PCDHA3: variants seen among roughly 807,000 people sequenced by gnomAD.
PCDHA3 encodes protocadherin alpha-3.
In PCDHA3, 41 loss-of-function variants were observed where a neutral mutation model predicts 62.2. The observed-to-expected ratio is 0.66, with a 90% CI of 0.51 to 0.86. The LOEUF is 0.86. PCDHA3 is among the 40% of genes least tolerant of loss of function. The probability of loss-of-function intolerance (pLI) is 0.00; values close to 1 mark genes in which losing one functional copy is unlikely to be tolerated. For synonymous variants in PCDHA3, 640 were observed against 555.4 expected (o/e 1.15, Z -2.14); for missense variants, 1,304 against 1,241.2 (o/e 1.05, Z -0.76).
At chr5:140,822,270 A>G (rs2150115049) in intron 1 of PCDHA3, 7 of 1,614,138 alleles carry the variant, frequency 4.3e-6, no homozygotes, top group African/African-American at 4.0e-5. Flanking sequence ...GAGCAAATGC[A>G]CAATTGAGAT....
rs781808272 is a variant in PCDHA3, at chr5:140,856,411, A to G, written c.2394+52820A>G. Reference sequence around the variant, plus strand: ...TGCAGGTTTTCCATGTGGACGTGGAAGTGAAGGACATTAACGACAACCCGC... The same window carrying G: ...TGCAGGTTTTCCATGTGGACGTGGAGGTGAAGGACATTAACGACAACCCGC... On this transcript the variant is annotated intron_variant, in intron 1 of 3. Transcript: ENST00000522353. 31 of 1,598,328 alleles carry G rather than the reference A, an allele frequency of 1.9e-5. 3 individuals are homozygous for G. Among genetic ancestry groups the G allele is most frequent in the African/African-American group, 5.4e-5 (4 of 74,256 alleles).
intron 1 of PCDHA3, chr5:140,864,797 G>C (rs868909450): frequency 1.3e-5 from 2 of 152,026 alleles, no homozygotes; most frequent in Non-Finnish European, 2.9e-5. Flanking sequence ...AATATTTTAG[G>C]GTAGGAAAAT....
chr5:140,883,289 C>T, intron 1 of PCDHA3: 2 of 1,614,022 alleles, frequency 1.2e-6, no homozygotes, highest in African/African-American at 1.3e-5. Context: ...GGTGGAAGTA[C>T]TAGATGTAAA....
chr5:140,809,041 G>T, intron 1 of PCDHA3: 2 of 1,613,844 alleles, frequency 1.2e-6, no homozygotes, highest in Non-Finnish European at 1.7e-6. Context: ...CTGGTGGCGC[G>T]CGCATCCCGT....
At chr5:140,826,677 T>TA (rs1447627266) in intron 1 of PCDHA3, among the ~76,000 whole-genome samples, 1 of 152,092 alleles carries the variant, frequency 6.6e-6, no homozygotes, top group Non-Finnish European at 1.5e-5. Context: ...TAGACGTAAT[T>TA]AAAAAAACCC....
At chr5:140,875,465 T>G in intron 1 of PCDHA3, 1 of 1,599,690 alleles carries the variant, frequency 6.3e-7, no homozygotes, top group Non-Finnish European at 8.5e-7. Flanking sequence ...AGGCCCTCAT[T>G]TTCTGCAATG....
chr5:140,961,385 T>G (rs1480607533), intron 1 of PCDHA3, among the ~76,000 whole-genome samples: 3 of 152,204 alleles, frequency 2.0e-5, no homozygotes, highest in Non-Finnish European at 4.4e-5. Flanking sequence ...GTTTGAACTA[T>G]TCCATTAGTA....
Position 140,841,637 on chromosome 5 carries a change from C to G in PCDHA3, c.2394+38046C>G, listed in dbSNP as rs2150319876. The G allele has an allele frequency of 4.3e-6, 7 of 1,614,008 alleles. No individual in the cohort carries two copies. Among genetic ancestry groups the G allele is most frequent in the Admixed American group, 3.3e-5 (2 of 59,990 alleles). ...GCGGAGCGCGGAGTGCAGCATCCAC[C>G]TGGAGGTGATCGTGGACAGGCCGCT... On this transcript the variant is annotated intron_variant, in intron 1 of 3. Coordinates refer to ENST00000522353, the MANE Select transcript of PCDHA3 (RefSeq NM_018906.3).
At chr5:140,836,137 TG>T in intron 1 of PCDHA3, 1 of 1,613,712 alleles carries the variant, frequency 6.2e-7, no homozygotes, top group Non-Finnish European at 8.5e-7. Context: ...CCGCGGTCTG[TG>T]GGCGCGGGCC....
At chr5:140,824,529 G>A (rs1463517451) in intron 1 of PCDHA3, 2 of 197,184 alleles carry the variant, frequency 1.0e-5, no homozygotes, top group South Asian at 1.2e-4. Flanking sequence ...ATAGCTCACC[G>A]AAGCCTGAAA....
chr5:140,967,794 T>G, intron 1 of PCDHA3: 1 of 1,614,178 alleles, frequency 6.2e-7, no homozygotes. Flanking sequence ...CGGGGTCCAG[T>G]GCCCATGGCA....
chr5:140,828,549 C>T (rs1769814403), intron 1 of PCDHA3: 4 of 1,614,090 alleles, frequency 2.5e-6, no homozygotes, highest in Non-Finnish European at 2.5e-6. Flanking sequence ...TCTGTGTTTC[C>T]ACTGGAGGGC....
rs376781836 is a variant in PCDHA3 at position 140,858,274 on chromosome 5, G to A, written c.2394+54683G>A. On this transcript the variant is annotated intron_variant, in intron 1 of 3. Coordinates refer to ENST00000522353, the MANE Select transcript of PCDHA3 (RefSeq NM_018906.3). ...AGCCCACGCTGGTGTGCTCTAGCGCGGTGGGGAGCTGGTCTTACTCGCAGC... is the reference window on the plus strand; with the variant it reads ...AGCCCACGCTGGTGTGCTCTAGCGCAGTGGGGAGCTGGTCTTACTCGCAGC... The A allele has an allele frequency of 1.3e-5, 21 of 1,597,416 alleles. 1 individual carries two copies. The African/African-American group carries it at 2.6e-4, about 19-fold the overall frequency.
chr5:140,952,176 C>G (rs1300041660), intron 1 of PCDHA3, among the ~76,000 whole-genome samples: 1 of 152,058 alleles, frequency 6.6e-6, no homozygotes, highest in African/African-American at 2.4e-5. Flanking sequence ...GTTCCTGCAG[C>G]TGCTCTCATG....
At chr5:140,869,419 C>T (rs782550413) in intron 1 of PCDHA3, 4 of 1,614,078 alleles carry the variant, frequency 2.5e-6, no homozygotes, top group Non-Finnish European at 3.4e-6. Context: ...CAGCATCCAC[C>T]TGGAGGTGAT....
chr5:140,978,545 T>C (rs1478928718), intron 1 of PCDHA3, among the ~76,000 whole-genome samples: 2 of 152,258 alleles, frequency 1.3e-5, no homozygotes, highest in Non-Finnish European at 2.9e-5. Context: ...TGTGTAGCCA[T>C]GTGCCCTGTT....
chr5:140,973,209 C>T (rs1273068326), intron 1 of PCDHA3, among the ~76,000 whole-genome samples: 4 of 152,100 alleles, frequency 2.6e-5, no homozygotes, highest in Non-Finnish European at 4.4e-5. Flanking sequence ...GCATATTCAC[C>T]CTAATTCCAG....
At chr5:140,847,743 C>T (rs2150239198) in intron 1 of PCDHA3, 1 of 149,792 alleles carries the variant, frequency 6.7e-6, no homozygotes, top group East Asian at 1.9e-4. Flanking sequence ...TATTTTCTCC[C>T]CACGCAACAC....
In PCDHA3 at chr5:141,009,945, A is replaced by C. The variant is rs2098415489; in HGVS notation, c.*8A>C. 5.0e-6 allele frequency: 8 copies of C among 1,596,112 alleles called. No homozygotes were observed. The highest frequency in any genetic ancestry group is 6.8e-6 in the Non-Finnish European group (8 of 1,173,736). On this transcript the variant is annotated 3_prime_UTR_variant, in exon 4 of 4. Coordinates refer to ENST00000522353, the MANE Select transcript of PCDHA3 (RefSeq NM_018906.3). ...GACAACAGTGACCAGTGAGGTCCTCAAATGGAAACAAGCCACTTAGCCAGT... is the reference window on the plus strand; with the variant it reads ...GACAACAGTGACCAGTGAGGTCCTCCAATGGAAACAAGCCACTTAGCCAGT...
Sources: allele counts gnomAD v4.1 joint callset (sites outside exome capture counted in the v4.1 genomes callset), GRCh38; gene constraint gnomAD v4.1.1; transcripts MANE v1.5; gene names NCBI Gene and HGNC (gene_info 2026-07-23, HGNC 2026-07-21).